Variants in FAM107B observed in about 807,000 individuals in gnomAD.
The protein encoded by FAM107B is protein FAM107B.
FAM107B carries 21 observed loss-of-function variants against 31.5 expected under a neutral mutation model. The observed-to-expected ratio is 0.67, with a 90% CI of 0.47 to 0.96. The LOEUF is 0.96. Ranked by LOEUF, FAM107B falls within the 40% of genes least tolerant of loss-of-function variation. The probability of loss-of-function intolerance (pLI) is 0.00; values close to 1 mark genes in which losing one functional copy is unlikely to be tolerated. For synonymous variants in FAM107B, 157 were observed against 141.5 expected (o/e 1.11, Z -0.78); for missense variants, 452 against 377.1 (o/e 1.20, Z -1.64).
chr10:14,750,124 C>T (rs988450863), intron 1 of FAM107B, among the ~76,000 whole-genome samples: 3 of 152,172 alleles, frequency 2.0e-5, no homozygotes, highest in African/African-American at 7.2e-5. Context: ...GATGAAAACC[C>T]ATTGGTAGCA....
chr10:14,707,765 A>G (rs1416315590), intron 1 of FAM107B, among the ~76,000 whole-genome samples: 1 of 152,134 alleles, frequency 6.6e-6, no homozygotes, highest in East Asian at 1.9e-4. Flanking sequence ...ATCCATAAAC[A>G]TGGCTCCCAA....
rs541919150 is a variant in FAM107B at position 14,693,784 on chromosome 10, G to T, written c.412-26093C>A. Among the ~76,000 whole-genome samples, 73 of 152,162 alleles carry T rather than the reference G, an allele frequency of 4.8e-4. No homozygotes were observed. In the South Asian group the frequency reaches 0.013, roughly 28 times the overall value. Reference sequence around the variant, plus strand: ...CCCCACCTACCCTTCCCACCCCTGGGAACCACTGTTTTATTCTCTACCTCT... The same window carrying T: ...CCCCACCTACCCTTCCCACCCCTGGTAACCACTGTTTTATTCTCTACCTCT... On this transcript the variant is annotated intron_variant, in intron 1 of 4. Coordinates refer to ENST00000181796, the MANE Select transcript of FAM107B (RefSeq NM_031453.4).
Position 14,671,874 on chromosome 10 carries a change from A to C in FAM107B, c.412-4183T>G, listed in dbSNP as rs1039661359. ...CAGCTAATACACTCCCTTTTATTTA[A>C]AAAAAAAAAACAAAAAAACAAAAAA... On this transcript the variant is annotated intron_variant, in intron 1 of 4. Transcript: ENST00000181796. Among the ~76,000 whole-genome samples, 20 of 38,336 alleles carry C rather than the reference A, an allele frequency of 5.2e-4. 1 individual carries two copies. The highest frequency in any genetic ancestry group is 3.0e-3 in the South Asian group (3 of 1,014). 25.1% of individuals were successfully genotyped at this position (38,336 alleles called of 152,430 possible). A position where few individuals can be genotyped will look rare whatever the true frequency, so the allele number is the denominator to read the frequency against.
At chr10:14,591,530 A>G (rs950351075) in intron 2 of FAM107B, among the ~76,000 whole-genome samples, 4 of 152,136 alleles carry the variant, frequency 2.6e-5, no homozygotes, top group African/African-American at 9.7e-5. Flanking sequence ...ATCTCATCTC[A>G]TGCTCACTGC....
intron 2 of FAM107B, among the ~76,000 whole-genome samples, chr10:14,569,447 GATC>G (rs149861186): frequency 0.022 from 3,313 of 152,194 alleles, 63 homozygotes; most frequent in East Asian, 0.089. Flanking sequence ...GTTACGTTAA[GATC>G]ATAACATGTG....
At chr10:14,540,596 A>G (rs999952463) in intron 2 of FAM107B, among the ~76,000 whole-genome samples, 3 of 151,658 alleles carry the variant, frequency 2.0e-5, no homozygotes, top group Admixed American at 2.0e-4. Context: ...CCTCCCTTTA[A>G]CGCCACCAGC....
At chr10:14,620,754 TCC>T (rs1852990603) in intron 2 of FAM107B, among the ~76,000 whole-genome samples, 1 of 152,186 alleles carries the variant, frequency 6.6e-6, no homozygotes, top group Admixed American at 6.5e-5. Context: ...ATTGTTCAAC[TCC>T]CACTTATGAG....
chr10:14,774,368 G>A lies in FAM107B; in HGVS notation c.296C>T (p.Ala99Val), dbSNP rs1833373215. Residue 99 changes from alanine (A) to valine (V), a missense_variant, in exon 1 of 5, where the codon GCC (alanine) becomes GTC (valine). By Grantham distance (64) the Ala-to-Val change is moderately conservative. Transcript: ENST00000181796. ...ANRNSSHRTA[A>V]QPAETPEDVP... ...ATCTTCAGGCGTCTCCGCGGGCTGGGCCGCAGTGCGGTGACTTGAATTCCG... is the reference window on the plus strand; with the variant it reads ...ATCTTCAGGCGTCTCCGCGGGCTGGACCGCAGTGCGGTGACTTGAATTCCG... 4 of 1,614,212 alleles carry A rather than the reference G, an allele frequency of 2.5e-6. No homozygotes were observed. The highest frequency in any genetic ancestry group is 3.4e-6 in the Non-Finnish European group (4 of 1,180,038).
At chr10:14,712,223 A>G (rs1855665029) in intron 1 of FAM107B, among the ~76,000 whole-genome samples, 1 of 152,192 alleles carries the variant, frequency 6.6e-6, no homozygotes, top group Non-Finnish European at 1.5e-5. Context: ...CTGTACTAAA[A>G]TATCTTATGT....
intron 1 of FAM107B, among the ~76,000 whole-genome samples, chr10:14,724,857 T>A (rs543967250): frequency 6.6e-6 from 1 of 152,318 alleles, no homozygotes; most frequent in South Asian, 2.1e-4. Flanking sequence ...GTGTCTTCTC[T>A]TCCAGGGCCA....
intron 2 of FAM107B, among the ~76,000 whole-genome samples, chr10:14,533,492 G>C (rs751317444): frequency 1.3e-5 from 2 of 152,202 alleles, no homozygotes; most frequent in African/African-American, 4.8e-5. Context: ...GGCAAGTGCA[G>C]CCAGCGCTCA....
At position 14,616,128 on chromosome 10, in the gene FAM107B, T is replaced by TA. The variant is rs1294489981; in HGVS notation, c.469+51505dup. Among the ~76,000 whole-genome samples the TA allele has an allele frequency of 7.9e-5, 12 of 152,260 alleles. No homozygotes were observed. In the East Asian group the frequency reaches 2.3e-3, roughly 29 times the overall value. ...AAGAGCCTTAAGGACAGTGGCTTTTTAAAAAAATAATAATAATATTGACCT... is the reference window on the plus strand; with the variant it reads ...AAGAGCCTTAAGGACAGTGGCTTTTTAAAAAAAATAATAATAATATTGACCT... On this transcript the variant is annotated intron_variant, in intron 2 of 4. Coordinates refer to ENST00000181796, the MANE Select transcript of FAM107B (RefSeq NM_031453.4).
At position 14,582,059 on chromosome 10, in the gene FAM107B, A is replaced by C. The variant is rs189217366; in HGVS notation, c.470-51544T>G. Among the ~76,000 whole-genome samples, 335 of 152,342 alleles carry C rather than the reference A, an allele frequency of 2.2e-3. 2 individuals carry two copies. The highest frequency in any genetic ancestry group is 6.8e-3 in the Middle Eastern group (2 of 294). On this transcript the variant is annotated intron_variant, in intron 2 of 4. Transcript: ENST00000181796. ...ATTGTTGACACATTCTTTGTGACAA[A>C]AGTTGACACTCCCAGTTATGGCACA...
intron 3 of FAM107B, among the ~76,000 whole-genome samples, chr10:14,528,238 C>T (rs1588478664): frequency 7.6e-6 from 1 of 131,704 alleles, no homozygotes; most frequent in African/African-American, 2.9e-5. Context: ...CTGGAATGCA[C>T]TGGCACAATC....
At chr10:14,564,941 T>TG (rs1424848667) in intron 2 of FAM107B, among the ~76,000 whole-genome samples, 1 of 152,210 alleles carries the variant, frequency 6.6e-6, no homozygotes, top group Non-Finnish European at 1.5e-5. Context: ...TGGGCTGGGC[T>TG]GGGCATGGTG....
At chr10:14,695,421 C>G (rs957659628) in intron 1 of FAM107B, among the ~76,000 whole-genome samples, 3 of 152,146 alleles carry the variant, frequency 2.0e-5, no homozygotes, top group African/African-American at 7.2e-5. Flanking sequence ...AATTTCATAT[C>G]AGGAAGTGTT....
chr10:14,654,273 G>A (rs1853981300), intron 2 of FAM107B, among the ~76,000 whole-genome samples: 1 of 152,138 alleles, frequency 6.6e-6, no homozygotes, highest in South Asian at 2.1e-4. Context: ...ATCTACAGCT[G>A]AGTTTGCTCT....
intron 1 of FAM107B, among the ~76,000 whole-genome samples, chr10:14,759,221 T>TAAATAAATAAATAAAA (rs1312610691): frequency 4.0e-5 from 6 of 151,022 alleles, no homozygotes; most frequent in African/African-American, 1.5e-4. Flanking sequence ...AATAAATAAA[T>TAAATAAATAAATAAAA]AAAAAGCAGC....
intron 1 of FAM107B, among the ~76,000 whole-genome samples, chr10:14,770,726 G>T (rs2688869): frequency 1.3e-5 from 2 of 152,192 alleles, no homozygotes; most frequent in South Asian, 2.1e-4. Flanking sequence ...GAACAGAAAA[G>T]AGATGAATAC....
Sources: allele counts gnomAD v4.1 joint callset (sites outside exome capture counted in the v4.1 genomes callset), GRCh38; gene constraint gnomAD v4.1.1; transcripts MANE v1.5; gene names NCBI Gene and HGNC (gene_info 2026-07-23, HGNC 2026-07-21).